The following ZBTB5 variants were observed in gnomAD, a reference collection of about 807,000 sequenced individuals.
ZBTB5 encodes zinc finger and BTB domain containing 5, also known as zinc finger and BTB domain-containing protein 5.
A neutral mutation model predicts 37.9 loss-of-function variants in ZBTB5; 15 were observed. The observed-to-expected ratio is 0.40, with a 90% confidence interval of 0.26 to 0.61. The LOEUF is 0.61. Among genes scored for constraint, ZBTB5 ranks in the 20% least tolerant of loss-of-function variants. The pLI is 0.47. For synonymous variants in ZBTB5, 315 were observed against 312.4 expected (o/e 1.01, Z -0.09); for missense variants, 708 against 856.8 (o/e 0.83, Z 2.17).
intron 1 of ZBTB5, 66 bp from the exon 2 acceptor site, chr9:37,442,621 T>C (rs555915805): frequency 7.5e-7 from 1 of 1,339,948 alleles, no homozygotes; most frequent in Admixed American, 2.5e-5. Flanking sequence ...ACACAAAGGG[T>C]ATGATGAAAA....
Position 37,441,316 on chromosome 9 carries a change from A to G in ZBTB5, c.1236T>C (p.Phe412=), listed in dbSNP as rs72739647. ...AGTTATTTCCTCTGCTCTTGTTAAG[A>G]AAATTCGAAATACTAAAAGTGGACT... is the stretch of plus-strand genomic sequence containing the variant. ...EHKSTFSISN[F]LNKSRGNNFT... Residue 412 remains phenylalanine, a synonymous_variant, in exon 2 of 2, where the codon TTT becomes TTC. Transcript: ENST00000307750. 1,654 of 1,614,186 alleles carry G rather than the reference A, an allele frequency of 1.0e-3. 2 individuals carry two copies. Among genetic ancestry groups the G allele is most frequent in the Non-Finnish European group, 1.2e-3 (1,451 of 1,180,040 alleles).
At chr9:37,449,385 C>T (rs1176419002) in intron 1 of ZBTB5, among the ~76,000 whole-genome samples, 17 of 152,252 alleles carry the variant, frequency 1.1e-4, no homozygotes, top group Admixed American at 1.1e-3. Flanking sequence ...ATGCACTCCA[C>T]TCTACATTCA....
At position 37,441,714 on chromosome 9, in the gene ZBTB5, C is replaced by G. The variant is rs373975139; in HGVS notation, c.838G>C (p.Ala280Pro). 11 of 1,613,918 alleles carry G rather than the reference C, an allele frequency of 6.8e-6. No individual in the cohort carries two copies. The highest frequency in any genetic ancestry group is 9.3e-6 in the Non-Finnish European group (11 of 1,180,024). ...ATGGACAACTGTGCCATGTTGCCAG[C>G]ACTGTTATCAGACTGGCTGGGCACC... Reference protein sequence around the residue: ...AQVPSQSDNSAGNMAQLSMAS... With the variant: ...AQVPSQSDNSPGNMAQLSMAS... Residue 280 changes from alanine (A) to proline (P), a missense_variant, in exon 2 of 2, where the codon GCT becomes CCT. Ala to Pro is a conservative substitution (Grantham distance 27, BLOSUM62 -1). Around this residue, in one of 3 missense-constraint regions of ZBTB5, gnomAD observed 639 missense variants for 690.5 expected, o/e 0.93. Transcript: ENST00000307750.
intron 1 of ZBTB5, among the ~76,000 whole-genome samples, chr9:37,461,559 C>T (rs1431171239): frequency 6.6e-6 from 1 of 152,194 alleles, no homozygotes; most frequent in Non-Finnish European, 1.5e-5. Context: ...GAAACCCTGT[C>T]TCTACCAAAA....
At chr9:37,463,079 C>T (rs1341381453) in intron 1 of ZBTB5, among the ~76,000 whole-genome samples, 1 of 152,154 alleles carries the variant, frequency 6.6e-6, no homozygotes, top group Non-Finnish European at 1.5e-5. Flanking sequence ...CAAGATAAAT[C>T]AAAGCTTTTA....
rs1174366398 is a variant in ZBTB5, at chr9:37,440,437, C to T, written c.*81G>A. On this transcript the variant is annotated 3_prime_UTR_variant, in exon 2 of 2. Coordinates refer to ENST00000307750, the MANE Select transcript of ZBTB5 (RefSeq NM_014872.3). ...AGAGCCACTGGGCAGCTGGAAGCCT[C>T]GAACCCAAAGGCATTAACTGCTTAC... is the stretch of plus-strand genomic sequence containing the variant. 8.6e-6 allele frequency: 11 copies of T among 1,283,612 alleles called. No homozygotes were observed. Among genetic ancestry groups the T allele is most frequent in the East Asian group, 4.8e-5 (2 of 41,402 alleles). The allele number at this position is 1,283,612 out of a possible 1,614,324, so 79.5% of individuals were successfully genotyped here. A position where few individuals can be genotyped will look rare whatever the true frequency, so the allele number is the denominator to read the frequency against.
rs1471179395 is a variant in ZBTB5 at position 37,438,642 on chromosome 9, G to A, written c.*1876C>T. 6.6e-5 allele frequency: 10 copies of A among 152,310 alleles called. No individual in the cohort carries two copies. The highest frequency in any genetic ancestry group is 5.9e-4 in the Admixed American group (9 of 15,284). The allele number at this position is 152,310 out of a possible 1,614,324, so 9.4% of individuals were successfully genotyped here. The stretch of plus-strand genomic sequence containing the variant: ...TCACTGGCTCCTCTCCCTGGGTCCA[G>A]GCAGGGCCTCTCATTTTCTCCAGGC... On this transcript the variant is annotated 3_prime_UTR_variant, in exon 2 of 2. Transcript: ENST00000307750.
chr9:37,450,116 A>G (rs1756358102), intron 1 of ZBTB5, among the ~76,000 whole-genome samples: 2 of 152,166 alleles, frequency 1.3e-5, no homozygotes, highest in Admixed American at 6.5e-5. Flanking sequence ...AAAATCTGGC[A>G]AATTCTGCCA....
At chr9:37,462,424 T>G (rs1444440401) in intron 1 of ZBTB5, among the ~76,000 whole-genome samples, 1 of 152,202 alleles carries the variant, frequency 6.6e-6, no homozygotes, top group African/African-American at 2.4e-5. Context: ...CGGACCAGAT[T>G]GAGAACCTGT....
At position 37,441,905 on chromosome 9, in the gene ZBTB5, T is replaced by A. The variant is rs1235528397; in HGVS notation, c.647A>T (p.Asp216Val). ...TGAAGGCCCATTCTCCGGTGTAACA[T>A]CTGAAATGGCAGACTCATCTATGGA... ...RPSIDESAIS[D>V]VTPENGPSGV... The change falls in exon 2 of 2, where the codon GAT (aspartate) becomes GTT (valine). Residue 216 changes from aspartate (D) to valine (V), a missense_variant. Asp to Val is a radical substitution (Grantham distance 152, BLOSUM62 -3). This residue lies in a region of ZBTB5 where 639 missense variants were observed against 690.5 expected (regional missense o/e 0.93). Transcript: ENST00000307750. The A allele has an allele frequency of 1.2e-6, 2 of 1,614,044 alleles. No individual in the cohort carries two copies. The highest frequency in any genetic ancestry group is 2.2e-5 in the East Asian group (1 of 44,880).
chr9:37,444,144 G>A (rs542456647), intron 1 of ZBTB5, among the ~76,000 whole-genome samples: 1 of 152,300 alleles, frequency 6.6e-6, no homozygotes, highest in East Asian at 1.9e-4. Context: ...CCAATATCTT[G>A]ACTACAGAAA....
intron 1 of ZBTB5, among the ~76,000 whole-genome samples, chr9:37,451,617 G>C (rs929599799): frequency 1.3e-5 from 2 of 150,424 alleles, no homozygotes; most frequent in African/African-American, 4.9e-5. Context: ...TACACTTTTG[G>C]TAAGATGATA....
chr9:37,461,557 G>C (rs1164443642), intron 1 of ZBTB5, among the ~76,000 whole-genome samples: 14 of 152,140 alleles, frequency 9.2e-5, no homozygotes, highest in Non-Finnish European at 1.5e-4. Context: ...GCGAAACCCT[G>C]TCTCTACCAA....
At chr9:37,454,334 G>A (rs1232808784) in intron 1 of ZBTB5, among the ~76,000 whole-genome samples, 7 of 152,168 alleles carry the variant, frequency 4.6e-5, no homozygotes, top group Non-Finnish European at 1.0e-4. Context: ...TAAATTAAGA[G>A]TTTTACCCAA....
Position 37,440,402 on chromosome 9 carries a change from A to G in ZBTB5, c.*116T>C, listed in dbSNP as rs1823840757. The G allele has an allele frequency of 1.8e-5, 14 of 788,800 alleles. No individual in the cohort carries two copies. The highest frequency in any genetic ancestry group is 2.8e-5 in the Admixed American group (1 of 36,358). 48.9% of individuals were successfully genotyped at this position (788,800 alleles called of 1,614,324 possible). A position where few individuals can be genotyped will look rare whatever the true frequency, so the allele number is the denominator to read the frequency against. On this transcript the variant is annotated 3_prime_UTR_variant, in exon 2 of 2. Transcript: ENST00000307750. ...GTTAGTTCTCCGGTTATTAGTTGCT[A>G]AACTGTTTAAGAGCCACTGGGCAGC... is the stretch of plus-strand genomic sequence containing the variant.
chr9:37,456,735 A>G (rs1488731299), intron 1 of ZBTB5, among the ~76,000 whole-genome samples: 1 of 152,250 alleles, frequency 6.6e-6, no homozygotes, highest in East Asian at 1.9e-4. Flanking sequence ...TATTGAGGGC[A>G]GGAACTGTAT....
intron 1 of ZBTB5, among the ~76,000 whole-genome samples, chr9:37,462,779 G>C (rs1182369551): frequency 6.6e-6 from 1 of 151,986 alleles, no homozygotes; most frequent in Admixed American, 6.6e-5. Context: ...GGCCAGATTG[G>C]TCTTGAACTC....
At position 37,441,611 on chromosome 9, in the gene ZBTB5, T is replaced by A. The variant is rs1446203171; in HGVS notation, c.941A>T (p.Asn314Ile). The A allele has an allele frequency of 1.2e-6, 2 of 1,612,406 alleles. No individual in the cohort carries two copies. Among genetic ancestry groups the A allele is most frequent in the Non-Finnish European group, 1.7e-6 (2 of 1,179,764 alleles). The change falls in exon 2 of 2, where the codon AAC (asparagine) becomes ATC (isoleucine). Residue 314 changes from asparagine to isoleucine, a missense_variant. This residue lies in a region of ZBTB5 where 639 missense variants were observed against 690.5 expected (regional missense o/e 0.93). Coordinates refer to ENST00000307750, the MANE Select transcript of ZBTB5 (RefSeq NM_014872.3). Reference protein sequence around the residue: ...APEKSSFQCENPEVGLGEKEH... With the variant: ...APEKSSFQCEIPEVGLGEKEH... ...CTTCTCACCAAGGCCAACCTCAGGG[T>A]TTTCACACTGAAAACTACTTTTCTC...
intron 1 of ZBTB5, among the ~76,000 whole-genome samples, chr9:37,458,195 T>C (rs1477755435): frequency 6.6e-6 from 1 of 152,250 alleles, no homozygotes; most frequent in East Asian, 1.9e-4. Flanking sequence ...CAGGTCAGAA[T>C]GCCAAACATC....
Sources: gnomAD v4.1 joint callset for allele counts (sites outside exome capture counted in the v4.1 genomes callset) on GRCh38, gnomAD v4.1.1 for gene constraint, gnomAD v4.1.1 regional missense constraint, MANE v1.5 for transcripts, NCBI Gene and HGNC (gene_info 2026-07-23, HGNC 2026-07-21) for gene names.